DNAH12: variants seen among roughly 807,000 people sequenced by gnomAD.
DNAH12 encodes dynein axonemal heavy chain 12.
Under a neutral mutation model 371.5 loss-of-function variants are expected in DNAH12, and 285 were observed. The observed-to-expected ratio is 0.77, with a 90% confidence interval of 0.70 to 0.85. DNAH12 has a LOEUF of 0.85. Ranked by LOEUF, DNAH12 falls within the 40% of genes least tolerant of loss-of-function variation. The pLI, the probability that DNAH12 is intolerant of heterozygous loss-of-function variation, is 0.00. For synonymous variants in DNAH12, 1,200 were observed against 1,213.0 expected (o/e 0.99, Z 0.22); for missense variants, 3,611 against 3,689.4 (o/e 0.98, Z 0.55).
At chr3:57,481,900 C>T (rs941893743) in intron 13 of DNAH12, among the ~76,000 whole-genome samples, 7 of 152,146 alleles carry the variant, frequency 4.6e-5, no homozygotes, top group Admixed American at 1.3e-4. Context: ...CCCTTCCTTA[C>T]ACCTCATACA....
intron 8 of DNAH12, among the ~76,000 whole-genome samples, 183 bp from the exon 9 acceptor site, chr3:57,504,387 G>GCACA (rs57399659): frequency 1.3e-5 from 2 of 149,760 alleles, no homozygotes; most frequent in Admixed American, 6.7e-5. Flanking sequence ...ATACATACAT[G>GCACA]CACACACACA....
intron 33 of DNAH12, among the ~76,000 whole-genome samples, chr3:57,429,219 C>T (rs1012942779): frequency 4.0e-5 from 6 of 151,786 alleles, no homozygotes; most frequent in African/African-American, 7.3e-5. Context: ...TCTTGTTGCC[C>T]AGGCTGGAGT....
At chr3:57,415,005 G>A (rs1302296003) in intron 38 of DNAH12, among the ~76,000 whole-genome samples, 1 of 152,148 alleles carries the variant, frequency 6.6e-6, no homozygotes, top group Admixed American at 6.5e-5. Context: ...ACAGGCCCAT[G>A]GTTTGAAAGG....
intron 65 of DNAH12, among the ~76,000 whole-genome samples, chr3:57,319,946 A>G (rs1445221648): frequency 6.6e-6 from 1 of 152,058 alleles, no homozygotes; most frequent in East Asian, 1.9e-4. Context: ...ATCTAGTGAG[A>G]TGATCATGTG....
chr3:57,350,438 G>A (rs2062644758), intron 60 of DNAH12, among the ~76,000 whole-genome samples: 1 of 152,288 alleles, frequency 6.6e-6, no homozygotes, highest in East Asian at 1.9e-4. Context: ...CAGAGCAGTA[G>A]GGAAAAGGCC....
At chr3:57,414,730 G>C (rs1233850871) in intron 38 of DNAH12, among the ~76,000 whole-genome samples, 1 of 145,684 alleles carries the variant, frequency 6.9e-6, no homozygotes, top group African/African-American at 2.4e-5. Context: ...GAACTCACTT[G>C]TCCATTGGAA....
At position 57,462,851 on chromosome 3, in the gene DNAH12, G is replaced by A; in HGVS notation, c.2374C>T (p.Leu792=). Residue 792 remains leucine, a synonymous_variant, in exon 18 of 74, where the codon CTG becomes TTG. Coordinates refer to ENST00000495027, the MANE Select transcript of DNAH12 (RefSeq NM_001366028.2). ...CGAGCTCTCATTCCTGGATTGCACA[G>A]AATGGAGACAGTAGGAATATATTCC... ...FKEYIPTVSI[L]CNPGMRARHW... 1 of 1,551,272 alleles carries A rather than the reference G, an allele frequency of 6.4e-7. No homozygotes were observed.
intron 45 of DNAH12, among the ~76,000 whole-genome samples, chr3:57,389,423 A>G (rs2063562942): frequency 6.6e-6 from 1 of 152,140 alleles, no homozygotes; most frequent in African/African-American, 2.4e-5. Flanking sequence ...AATACCCAGA[A>G]GTAGGGTATT....
intron 59 of DNAH12, among the ~76,000 whole-genome samples, chr3:57,353,010 A>G (rs1218766454): frequency 1.3e-5 from 2 of 151,864 alleles, no homozygotes; most frequent in African/African-American, 2.4e-5. Flanking sequence ...AATTGCTTGA[A>G]CCCGGGAGGT....
rs1375232834 is a variant in DNAH12 at position 57,421,510 on chromosome 3, T to A, written c.5562+8A>T. ...TTATCTTACCATAACAAGCTTTTTA[T>A]GTCATACCTCATACATGTAGTCATA... On this transcript the variant is annotated splice_region_variant and intron_variant, in intron 36 of 73. Coordinates refer to ENST00000495027, the MANE Select transcript of DNAH12 (RefSeq NM_001366028.2). 2 of 1,551,424 alleles carry A rather than the reference T, an allele frequency of 1.3e-6. No homozygotes were observed. Among genetic ancestry groups the A allele is most frequent in the East Asian group, 2.4e-5 (1 of 40,910 alleles).
In DNAH12 at chr3:57,543,404, C is replaced by T. The variant is rs146867819; in HGVS notation, c.-33-501G>A. On this transcript the variant is annotated intron_variant, in intron 1 of 73. Transcript: ENST00000495027. Reference sequence around the variant, plus strand: ...ATGGCGCGATCTTGGCTCACTGCAACCTCCGCCTCCCAGGTTCAAGTGGTT... The same window carrying T: ...ATGGCGCGATCTTGGCTCACTGCAATCTCCGCCTCCCAGGTTCAAGTGGTT... 3.3e-3 allele frequency among the ~76,000 whole-genome samples: 462 copies of T among 140,608 alleles called. 2 individuals carry two copies. The highest frequency in any genetic ancestry group is 0.012 in the African/African-American group (439 of 36,892). 92.2% of individuals were successfully genotyped at this position (140,608 alleles called of 152,430 possible).
intron 60 of DNAH12, among the ~76,000 whole-genome samples, 191 bp from the exon 61 acceptor site, chr3:57,335,131 G>A (rs968531279): frequency 6.6e-6 from 1 of 152,182 alleles, no homozygotes; most frequent in African/African-American, 2.4e-5. Flanking sequence ...GTGCAGGACT[G>A]TGGCCTCTGA....
intron 2 of DNAH12, among the ~76,000 whole-genome samples, chr3:57,541,315 C>T (rs2069273463): frequency 6.6e-6 from 1 of 152,138 alleles, no homozygotes; most frequent in Non-Finnish European, 1.5e-5. Flanking sequence ...GGTAGGATTA[C>T]AGGTGTGAGC....
chr3:57,510,770 G>C lies in DNAH12; in HGVS notation c.469+20C>G. On this transcript the variant is annotated intron_variant, in intron 5 of 73. Transcript: ENST00000495027. ...GAGGCCAAGGTGAAAGAAGCCTGGTGTGTGTTAGATGCTACTTACCCAAAT... is the reference window on the plus strand; with the variant it reads ...GAGGCCAAGGTGAAAGAAGCCTGGTCTGTGTTAGATGCTACTTACCCAAAT... 1 of 1,607,340 alleles carries C rather than the reference G, an allele frequency of 6.2e-7. No individual in the cohort carries two copies. The highest frequency in any genetic ancestry group is 8.5e-7 in the Non-Finnish European group (1 of 1,177,946).
At chr3:57,299,027 T>G (rs1575415308) in intron 70 of DNAH12, among the ~76,000 whole-genome samples, 1 of 152,146 alleles carries the variant, frequency 6.6e-6, no homozygotes, top group Non-Finnish European at 1.5e-5. Flanking sequence ...CCAGTTTTGC[T>G]CCATAGGAGG....
chr3:57,297,064 G>A (rs1373165553), intron 70 of DNAH12, 80 bp from the exon 71 acceptor site: 3 of 1,495,718 alleles, frequency 2.0e-6, no homozygotes, highest in Non-Finnish European at 1.8e-6. Context: ...CCTGATTCTG[G>A]TTTTTGCTTA....
At chr3:57,497,005 A>C (rs764711618) in intron 11 of DNAH12, among the ~76,000 whole-genome samples, 4 of 152,210 alleles carry the variant, frequency 2.6e-5, no homozygotes, top group Non-Finnish European at 2.9e-5. Context: ...AAAATCAAGT[A>C]AACCAGAAAC....
chr3:57,508,045 G>A (rs578164285), intron 7 of DNAH12, among the ~76,000 whole-genome samples: 1 of 151,770 alleles, frequency 6.6e-6, no homozygotes, highest in African/African-American at 2.4e-5. Flanking sequence ...AAATTAGCTG[G>A]GTGTGGTGGT....
chr3:57,419,380 T>C lies in DNAH12; in HGVS notation c.5701A>G (p.Ile1901Val), dbSNP rs1344905865. The C allele has an allele frequency of 1.3e-6, 2 of 1,499,568 alleles. No individual in the cohort carries two copies. Among genetic ancestry groups the C allele is most frequent in the African/African-American group, 2.9e-5 (2 of 69,322 alleles). 92.9% of individuals were successfully genotyped at this position (1,499,568 alleles called of 1,614,324 possible). The change falls in exon 37 of 74, where the codon ATT becomes GTT. Residue 1901 changes from isoleucine to valine, a missense_variant. By Grantham distance (29) the Ile-to-Val change is conservative. Transcript: ENST00000495027. The stretch of plus-strand genomic sequence containing the variant: ...AGAGTTCCTTACTTTGCATAGGTAA[T>C]ACTCAAATCCATTAGAAACGTATAT... ...IRYTFLMDLS[I>V]TYAKPLLFVG... is the part of the protein sequence containing the mutation.
Sources: gnomAD v4.1 joint callset for allele counts (sites outside exome capture counted in the v4.1 genomes callset) on GRCh38, gnomAD v4.1.1 for gene constraint, MANE v1.5 for transcripts, NCBI Gene and HGNC (gene_info 2026-07-23, HGNC 2026-07-21) for gene names.